TRHDE: variants seen among roughly 807,000 people sequenced by gnomAD.
TRHDE encodes the protein thyrotropin releasing hormone degrading enzyme.
TRHDE carries 72 observed loss-of-function variants against 125.7 expected under a neutral mutation model. The ratio of observed to expected loss-of-function variants is 0.57; its 90% CI spans 0.47 to 0.70. The LOEUF (loss-of-function observed/expected upper bound fraction) is 0.70, where lower values mean the gene tolerates loss of function less well. Among genes scored for constraint, TRHDE ranks in the 30% least tolerant of loss-of-function variants. The pLI, the probability that TRHDE is intolerant of heterozygous loss-of-function variation, is 0.00. For missense variants in TRHDE, 1,110 were observed against 1,327.1 expected, an observed-to-expected ratio of 0.84 and a Z score of 2.54; for synonymous variants, 509 against 509.1, an observed-to-expected ratio of 1.00 and a Z score of 0.00.
intron 3 of TRHDE, among the ~76,000 whole-genome samples, chr12:72,422,037 T>G (rs190076886): frequency 3.0e-4 from 45 of 152,282 alleles, no homozygotes; most frequent in African/African-American, 1.1e-3. Context: ...TCCTGTGTCT[T>G]TTTCATAGCT....
intron 2 of TRHDE, among the ~76,000 whole-genome samples, chr12:72,353,022 C>T (rs1027798575): frequency 6.6e-6 from 1 of 151,234 alleles, no homozygotes; most frequent in African/African-American, 2.4e-5. Flanking sequence ...CCCAATACAA[C>T]CATGAATACA....
At chr12:72,517,291 GT>G (rs1342685160) in intron 6 of TRHDE, among the ~76,000 whole-genome samples, 1 of 151,214 alleles carries the variant, frequency 6.6e-6, no homozygotes, top group East Asian at 2.0e-4. Context: ...TTTTTGGTTG[GT>G]AAGCTATTGA....
In TRHDE at chr12:72,639,541, G is replaced by T. The variant is rs547508497; in HGVS notation, c.2676-12781G>T. On this transcript the variant is annotated intron_variant, in intron 15 of 18. Coordinates refer to ENST00000261180, the MANE Select transcript of TRHDE (RefSeq NM_013381.3). Reference sequence around the variant, plus strand: ...TCCGTCCAGCTTTGTTCCGTTGCTGGTGAGGAACTGCGTTCCTTTGGAGGA... The same window carrying T: ...TCCGTCCAGCTTTGTTCCGTTGCTGTTGAGGAACTGCGTTCCTTTGGAGGA... 6.0e-4 allele frequency among the ~76,000 whole-genome samples: 91 copies of T among 152,354 alleles called. 1 individual carries two copies. The highest frequency in any genetic ancestry group is 4.8e-3 in the Admixed American group (73 of 15,304).
chr12:72,252,470 C>T (rs1187216269), intron 2 of TRHDE, among the ~76,000 whole-genome samples: 1 of 152,058 alleles, frequency 6.6e-6, no homozygotes, highest in Non-Finnish European at 1.5e-5. Context: ...TGGGTCTATT[C>T]CTGTGTTTTC....
At chr12:72,564,653 ATTTTTTTTTTT>A (rs538823843) in intron 9 of TRHDE, among the ~76,000 whole-genome samples, 17 of 54,316 alleles carry the variant, frequency 3.1e-4, no homozygotes, top group African/African-American at 6.7e-4. Context: ...ATGCGTATGA[ATTTTTTTTTTT>A]TTTTTTTTTT....
At chr12:72,332,871 A>G (rs774681008) in intron 2 of TRHDE, among the ~76,000 whole-genome samples, 13 of 152,152 alleles carry the variant, frequency 8.5e-5, no homozygotes, top group Non-Finnish European at 1.6e-4. Context: ...GCTGAATCAG[A>G]ATCCACATTT....
At chr12:72,568,512 TG>T in intron 9 of TRHDE, 55 bp from the exon 10 acceptor site, 1 of 1,306,036 alleles carries the variant, frequency 7.7e-7, no homozygotes, top group South Asian at 1.3e-5. Context: ...AAATGTTTTT[TG>T]TTTTTGTTTC....
chr12:72,314,385 C>T (rs1868701800), intron 2 of TRHDE, among the ~76,000 whole-genome samples: 1 of 141,762 alleles, frequency 7.1e-6, no homozygotes, highest in South Asian at 2.5e-4. Flanking sequence ...CTTATAAATG[C>T]AAACTTGCAA....
chr12:72,489,544 C>T (rs1024399329), intron 5 of TRHDE, among the ~76,000 whole-genome samples: 1 of 151,662 alleles, frequency 6.6e-6, no homozygotes, highest in East Asian at 1.9e-4. Context: ...CCCAGGCAAT[C>T]TTCAGCAAAA....
intron 7 of TRHDE, among the ~76,000 whole-genome samples, chr12:72,547,846 A>C (rs1309090699): frequency 6.6e-6 from 1 of 151,892 alleles, no homozygotes; most frequent in African/African-American, 2.4e-5. Flanking sequence ...GCAGGTTGGC[A>C]ATAACCAGAA....
intron 1 of TRHDE, among the ~76,000 whole-genome samples, chr12:72,094,376 G>A (rs1379723796): frequency 6.6e-6 from 1 of 151,830 alleles, no homozygotes; most frequent in Non-Finnish European, 1.5e-5. Flanking sequence ...GGGGTCTGCA[G>A]GCCTGCCTCT....
chr12:72,163,782 A>C (rs535828400), intron 2 of TRHDE, among the ~76,000 whole-genome samples: 1 of 152,310 alleles, frequency 6.6e-6, no homozygotes, highest in South Asian at 2.1e-4. Flanking sequence ...TTTAACATGT[A>C]ATTAGTTTAA....
intron 2 of TRHDE, among the ~76,000 whole-genome samples, chr12:72,204,652 A>G (rs1319241703): frequency 6.6e-6 from 1 of 152,140 alleles, no homozygotes; most frequent in African/African-American, 2.4e-5. Flanking sequence ...CCACTTTTCT[A>G]TTTAAATTCT....
intron 2 of TRHDE, among the ~76,000 whole-genome samples, chr12:72,146,022 C>T (rs1403388674): frequency 1.3e-5 from 2 of 152,050 alleles, no homozygotes; most frequent in Non-Finnish European, 2.9e-5. Context: ...TTCTTATCTC[C>T]TACTAGGCAT....
At chr12:72,206,964 T>G (rs1877681256) in intron 2 of TRHDE, among the ~76,000 whole-genome samples, 1 of 152,170 alleles carries the variant, frequency 6.6e-6, no homozygotes, top group South Asian at 2.1e-4. Flanking sequence ...CTACATGATT[T>G]ATTGAACACA....
intron 6 of TRHDE, among the ~76,000 whole-genome samples, chr12:72,527,982 A>G (rs1321461099): frequency 6.6e-6 from 1 of 152,172 alleles, no homozygotes; most frequent in Admixed American, 6.5e-5. Context: ...CAACTTTCAG[A>G]CAAAATATCT....
At position 72,619,045 on chromosome 12, in the gene TRHDE, AG is replaced by A. The variant is rs1872938185; in HGVS notation, c.2469+8del. 1.3e-6 allele frequency: 2 copies of A among 1,539,354 alleles called. No homozygotes were observed. The highest frequency in any genetic ancestry group is 2.8e-5 in the African/African-American group (2 of 71,104). On this transcript the variant is annotated splice_region_variant and intron_variant, in intron 13 of 18. Transcript: ENST00000261180. ...AAACTACAACATTTTCAATGTAAAA[AG>A]ATATAATTTTTCTTTCTAATTTTTA...
chr12:72,325,645 C>T (rs1429515665), intron 2 of TRHDE, among the ~76,000 whole-genome samples: 2 of 152,050 alleles, frequency 1.3e-5, no homozygotes, highest in African/African-American at 4.8e-5. Flanking sequence ...CTATTATTTT[C>T]AGTCTTTCTG....
At chr12:72,430,215 CATATATATATATGCA>C (rs1565738073) in intron 3 of TRHDE, among the ~76,000 whole-genome samples, 1 of 146,010 alleles carries the variant, frequency 6.8e-6, no homozygotes, top group African/African-American at 2.5e-5. Flanking sequence ...CATTCTTTTG[CATATATATATATGCA>C]ATATATATAT....
Sources: gnomAD v4.1 joint callset for allele counts (sites outside exome capture counted in the v4.1 genomes callset) on GRCh38, gnomAD v4.1.1 for gene constraint, MANE v1.5 for transcripts, NCBI Gene and HGNC (gene_info 2026-07-23, HGNC 2026-07-21) for gene names.